The following ROBO2 variants were observed in gnomAD, a reference collection of about 807,000 sequenced individuals.
The protein encoded by ROBO2 is roundabout guidance receptor 2.
ROBO2 carries 53 observed loss-of-function variants against 160.8 expected under a neutral mutation model. That is an observed-to-expected ratio of 0.33 (90% CI 0.26 to 0.41). ROBO2 has a LOEUF of 0.41. Among genes scored for constraint, ROBO2 ranks in the 10% least tolerant of loss-of-function variants. ROBO2 has a pLI of 1.00. For synonymous variants in ROBO2, 664 were observed against 611.7 expected (o/e 1.09, Z -1.26); for missense variants, 1,577 against 1,722.4 (o/e 0.92, Z 1.49).
rs1458406438 is a variant in ROBO2, at chr3:76,679,475, A to G, written c.110-418539A>G. 3.3e-5 allele frequency among the ~76,000 whole-genome samples: 5 copies of G among 152,098 alleles called. No individual in the cohort carries two copies. In the East Asian group the frequency reaches 9.6e-4, roughly 29 times the overall value. ...AAGCTGTAAGTTTACGTATGTTTCTATGTAGTTATATAAATATAAAACTAT... is the reference window on the plus strand; with the variant it reads ...AAGCTGTAAGTTTACGTATGTTTCTGTGTAGTTATATAAATATAAAACTAT... On this transcript the variant is annotated intron_variant, in intron 2 of 26. Transcript: ENST00000487694.
intron 2 of ROBO2, among the ~76,000 whole-genome samples, chr3:76,035,111 A>G (rs757660231): frequency 6.6e-6 from 1 of 151,774 alleles, no homozygotes; most frequent in Non-Finnish European, 1.5e-5. Flanking sequence ...CATATGTTTT[A>G]TCTTTGAAGC....
At chr3:76,074,354 C>T (rs531206620) in intron 2 of ROBO2, among the ~76,000 whole-genome samples, 14 of 152,280 alleles carry the variant, frequency 9.2e-5, no homozygotes, top group East Asian at 1.9e-4. Flanking sequence ...CCAAGGAAAA[C>T]GCCTTACTTC....
At chr3:77,272,532 C>T (rs1453930296) in intron 2 of ROBO2, among the ~76,000 whole-genome samples, 1 of 152,176 alleles carries the variant, frequency 6.6e-6, no homozygotes, top group East Asian at 1.9e-4. Flanking sequence ...CAGGCCCCAC[C>T]TCAAACACAA....
At position 77,040,853 on chromosome 3, in the gene ROBO2, T is replaced by TA; in HGVS notation, c.61+12dup. On this transcript the variant is annotated splice_region_variant and intron_variant, in intron 1 of 25. Transcript: ENST00000461745. ...TTATATGTTCGGGTTGATGGTAAGT[T>TA]AAAAATGCTTTCATCTTTTTTTGCG... The TA allele has an allele frequency of 6.2e-6, 10 of 1,614,182 alleles. No individual in the cohort carries two copies. The highest frequency in any genetic ancestry group is 8.5e-6 in the Non-Finnish European group (10 of 1,180,020).
intron 2 of ROBO2, among the ~76,000 whole-genome samples, chr3:77,120,265 G>T (rs1248296777): frequency 2.6e-5 from 4 of 152,144 alleles, no homozygotes; most frequent in Non-Finnish European, 4.4e-5. Context: ...ATATGGCAAA[G>T]AACTAAGTCA....
intron 2 of ROBO2, among the ~76,000 whole-genome samples, chr3:76,475,992 A>C (rs925695223): frequency 6.6e-6 from 1 of 152,090 alleles, no homozygotes; most frequent in Non-Finnish European, 1.5e-5. Context: ...ATCCCTACTA[A>C]AAATACAAAA....
intron 1 of ROBO2, among the ~76,000 whole-genome samples, chr3:77,093,594 A>G (rs1403672188): frequency 6.6e-6 from 1 of 152,128 alleles, no homozygotes; most frequent in African/African-American, 2.4e-5. Flanking sequence ...AGTTTTAAAG[A>G]TTCCAAAGAC....
chr3:76,299,694 A>G (rs937304591), intron 2 of ROBO2, among the ~76,000 whole-genome samples: 1 of 152,156 alleles, frequency 6.6e-6, no homozygotes, highest in Non-Finnish European at 1.5e-5. Flanking sequence ...GACTGTTGCA[A>G]TAAAAGGTGA....
At chr3:77,156,546 G>A (rs557192200) in intron 2 of ROBO2, among the ~76,000 whole-genome samples, 1 of 151,992 alleles carries the variant, frequency 6.6e-6, no homozygotes, top group South Asian at 2.1e-4. Context: ...CCTGTGTATT[G>A]CAAGTTGCTG....
chr3:77,172,689 G>T (rs767144403), intron 2 of ROBO2, among the ~76,000 whole-genome samples: 1 of 152,154 alleles, frequency 6.6e-6, no homozygotes, highest in African/African-American at 2.4e-5. Context: ...TAATACTGCT[G>T]AGTGATTACA....
intron 2 of ROBO2, among the ~76,000 whole-genome samples, chr3:77,380,093 A>G (rs559231868): frequency 3.3e-5 from 5 of 152,204 alleles, no homozygotes; most frequent in Non-Finnish European, 5.9e-5. Flanking sequence ...TGTGCAGTAG[A>G]GAAGTGAGTC....
intron 23 of ROBO2, 138 bp from the exon 25 acceptor site, chr3:77,634,732 G>A: frequency 2.3e-6 from 2 of 852,170 alleles, no homozygotes; most frequent in Non-Finnish European, 3.9e-6. Flanking sequence ...TTTTTCTACA[G>A]AGATGCACCA....
chr3:77,090,160 T>C (rs2069943813), intron 1 of ROBO2, among the ~76,000 whole-genome samples: 1 of 152,074 alleles, frequency 6.6e-6, no homozygotes, highest in African/African-American at 2.4e-5. Context: ...TATTGACTAT[T>C]GTCAATGGGA....
intron 2 of ROBO2, among the ~76,000 whole-genome samples, chr3:76,334,164 A>C (rs1400342493): frequency 6.6e-6 from 1 of 152,140 alleles, no homozygotes; most frequent in East Asian, 1.9e-4. Flanking sequence ...ATATATACAT[A>C]TAAAAGAAGC....
At chr3:76,872,393 A>ATT (rs71104632) in intron 2 of ROBO2, among the ~76,000 whole-genome samples, 1 of 151,774 alleles carries the variant, frequency 6.6e-6, no homozygotes, top group South Asian at 2.1e-4. Context: ...TAACACTCAA[A>ATT]TTTTTTTTGT....
chr3:77,179,551 G>T (rs1400646896), intron 2 of ROBO2, among the ~76,000 whole-genome samples: 1 of 151,340 alleles, frequency 6.6e-6, no homozygotes, highest in Non-Finnish European at 1.5e-5. Flanking sequence ...AATGTAAGAG[G>T]CAAGAAAAAA....
intron 2 of ROBO2, among the ~76,000 whole-genome samples, chr3:76,026,165 T>C (rs1270278836): frequency 1.3e-5 from 2 of 151,928 alleles, no homozygotes; most frequent in Non-Finnish European, 2.9e-5. Context: ...GCTCAAGATA[T>C]AGATTTGACG....
chr3:77,026,242 T>C (rs1367755413), intron 2 of ROBO2, among the ~76,000 whole-genome samples: 1 of 152,202 alleles, frequency 6.6e-6, no homozygotes, highest in Admixed American at 6.5e-5. Flanking sequence ...ATCTGTATTA[T>C]TAAAAGCTGT....
chr3:76,663,733 T>A (rs981648351), intron 2 of ROBO2, among the ~76,000 whole-genome samples: 1 of 152,006 alleles, frequency 6.6e-6, no homozygotes, highest in South Asian at 2.1e-4. Context: ...AGGACCTAAT[T>A]GTGTAAAGCA....
Sources: gnomAD v4.1 joint callset for allele counts (sites outside exome capture counted in the v4.1 genomes callset) on GRCh38, gnomAD v4.1.1 for gene constraint, MANE v1.5 for transcripts, NCBI Gene and HGNC (gene_info 2026-07-23, HGNC 2026-07-21) for gene names.